SLC38A1: variants seen among roughly 807,000 people sequenced by gnomAD.
SLC38A1 encodes the protein sodium-coupled neutral amino acid symporter 1.
Under a neutral mutation model 60.3 loss-of-function variants are expected in SLC38A1, and 18 were observed. The observed-to-expected ratio is 0.30, with a 90% confidence interval of 0.21 to 0.44. SLC38A1 has a LOEUF of 0.44. SLC38A1 is among the 20% of genes least tolerant of loss of function. The pLI is 1.00. For missense variants in SLC38A1, 448 were observed against 587.2 expected (o/e 0.76, Z 2.45); for synonymous variants, 196 against 212.1 (o/e 0.92, Z 0.66).
At chr12:46,195,316 G>T (rs75307306) in intron 16 of SLC38A1, among the ~76,000 whole-genome samples, 1 of 152,138 alleles carries the variant, frequency 6.6e-6, no homozygotes, top group Admixed American at 6.5e-5. Flanking sequence ...TGGAAGCTTC[G>T]TCCCAGAGGG....
intron 16 of SLC38A1, among the ~76,000 whole-genome samples, chr12:46,197,095 C>A (rs1477500592): frequency 6.6e-6 from 1 of 152,186 alleles, no homozygotes; most frequent in African/African-American, 2.4e-5. Context: ...TCCTCTCTTG[C>A]TGAAGACTAG....
rs148084443 is a variant in SLC38A1, at chr12:46,268,160, T to C, written c.-209+366A>G. Among the ~76,000 whole-genome samples, 1 of 152,008 alleles carries C rather than the reference T, an allele frequency of 6.6e-6. No individual in the cohort carries two copies. Among genetic ancestry groups the C allele is most frequent in the East Asian group, 1.9e-4 (1 of 5,182 alleles). ...GGTCGCGCCCTCGGGTCAGCTGCGCTCTCCCTCCAGACGTGCGTGGTTCCT... is the reference window on the plus strand; with the variant it reads ...GGTCGCGCCCTCGGGTCAGCTGCGCCCTCCCTCCAGACGTGCGTGGTTCCT... On this transcript the variant is annotated intron_variant, in intron 1 of 16. Coordinates refer to ENST00000398637, the MANE Select transcript of SLC38A1 (RefSeq NM_030674.4). The surrounding 1 kb of genome is among the most constrained non-coding windows in gnomAD (Gnocchi z 4.4).
At position 46,201,095 on chromosome 12, in the gene SLC38A1, T is replaced by A. The variant is rs752058514; in HGVS notation, c.1003+3A>T. The A allele has an allele frequency of 1.3e-6, 2 of 1,588,800 alleles. No homozygotes were observed. The highest frequency in any genetic ancestry group is 1.7e-6 in the Non-Finnish European group (2 of 1,159,686). On this transcript the variant is annotated splice_donor_region_variant and intron_variant, in intron 13 of 16. Coordinates refer to ENST00000398637, the MANE Select transcript of SLC38A1 (RefSeq NM_030674.4). ...TATTTATGTACCAGTAGAAATTACT[T>A]ACCATAGAATGTCAAGTAGCCAAAA...
chr12:46,183,138 CTTTA>C lies in SLC38A1; in HGVS notation c.*5828_*5831del, dbSNP rs1565739623. On this transcript the variant is annotated 3_prime_UTR_variant, in exon 17 of 17. Transcript: ENST00000398637. ...TTATAGAACAGAACTTCTTATATTT[CTTTA>C]TTTACACCACACTCTGAAAAAAAAA... 1 of 152,012 alleles carries C rather than the reference CTTTA, an allele frequency of 6.6e-6. No individual in the cohort carries two copies. Among genetic ancestry groups the C allele is most frequent in the African/African-American group, 2.4e-5 (1 of 41,238 alleles). The allele number at this position is 152,012 out of a possible 1,614,324, so 9.4% of individuals were successfully genotyped here. A position where few individuals can be genotyped will look rare whatever the true frequency, so the allele number is the denominator to read the frequency against.
At chr12:46,199,298 T>C (rs1939531843) in intron 13 of SLC38A1, among the ~76,000 whole-genome samples, 1 of 145,372 alleles carries the variant, frequency 6.9e-6, no homozygotes, top group Non-Finnish European at 1.5e-5. Context: ...AATTAGTTTA[T>C]GTACTACTTT....
At chr12:46,261,723 T>C (rs1389119535) in intron 1 of SLC38A1, among the ~76,000 whole-genome samples, 1 of 152,184 alleles carries the variant, frequency 6.6e-6, no homozygotes, top group Non-Finnish European at 1.5e-5. Context: ...AAACGGAAGG[T>C]ATTTATCATT....
intron 4 of SLC38A1, 92 bp from the exon 5 acceptor site, chr12:46,229,360 A>C: frequency 1.1e-6 from 1 of 894,434 alleles, no homozygotes; most frequent in East Asian, 2.6e-5. Flanking sequence ...AGGAACCAAT[A>C]TGGAAGTAAA....
chr12:46,230,240 G>T (rs1941021536), intron 3 of SLC38A1, among the ~76,000 whole-genome samples: 3 of 152,160 alleles, frequency 2.0e-5, no homozygotes, highest in Non-Finnish European at 2.9e-5. Flanking sequence ...CCTGCTATAT[G>T]CAAGTCACTG....
chr12:46,193,546 T>C (rs761595441), intron 16 of SLC38A1, among the ~76,000 whole-genome samples: 2 of 152,108 alleles, frequency 1.3e-5, no homozygotes, highest in Non-Finnish European at 2.9e-5. Context: ...AAATCTCCCA[T>C]TATTATTGTG....
intron 16 of SLC38A1, among the ~76,000 whole-genome samples, chr12:46,189,614 T>C (rs752920015): frequency 6.6e-6 from 1 of 152,200 alleles, no homozygotes; most frequent in Non-Finnish European, 1.5e-5. Flanking sequence ...CAGATGATGA[T>C]ATGGTTTGGC....
In SLC38A1 at chr12:46,184,060, C is replaced by T. The variant is rs1041138748; in HGVS notation, c.*4910G>A. The T allele has an allele frequency of 1.3e-5, 2 of 152,572 alleles. No homozygotes were observed. The highest frequency in any genetic ancestry group is 4.8e-5 in the African/African-American group (2 of 41,424). The allele number at this position is 152,572 out of a possible 1,614,324, so 9.5% of individuals were successfully genotyped here. A position where few individuals can be genotyped will look rare whatever the true frequency, so the allele number is the denominator to read the frequency against. On this transcript the variant is annotated 3_prime_UTR_variant, in exon 17 of 17. Transcript: ENST00000398637. Reference sequence around the variant, plus strand: ...ATAAGCCTCAGCTGCATAGATTCTTCCTTTAAAAACGTAAATTTGAGCCTG... The same window carrying T: ...ATAAGCCTCAGCTGCATAGATTCTTTCTTTAAAAACGTAAATTTGAGCCTG...
chr12:46,231,971 C>T (rs1279635830), intron 3 of SLC38A1, among the ~76,000 whole-genome samples: 1 of 152,192 alleles, frequency 6.6e-6, no homozygotes, highest in African/African-American at 2.4e-5. Flanking sequence ...TTAAATGAAA[C>T]ATATGTATCA....
chr12:46,204,759 A>T (rs1045986349), intron 9 of SLC38A1, among the ~76,000 whole-genome samples, 169 bp from the exon 10 acceptor site: 2 of 152,222 alleles, frequency 1.3e-5, no homozygotes, highest in African/African-American at 4.8e-5. Flanking sequence ...TGCCCAAGTG[A>T]ATACAAGATT....
intron 5 of SLC38A1, among the ~76,000 whole-genome samples, chr12:46,226,994 G>A (rs886258957): frequency 6.6e-6 from 1 of 151,434 alleles, no homozygotes; most frequent in Non-Finnish European, 1.5e-5. Flanking sequence ...CCACATCAAG[G>A]CACGTCATTG....
chr12:46,207,104 T>A, intron 8 of SLC38A1, 51 bp downstream of exon 8: 1 of 1,280,892 alleles, frequency 7.8e-7, no homozygotes, highest in Non-Finnish European at 1.1e-6. Flanking sequence ...TGGCCCATAT[T>A]TAAATTAAAA....
At chr12:46,229,124 A>G (rs769557887) in intron 5 of SLC38A1, 29 bp downstream of exon 5, 3 of 1,332,606 alleles carry the variant, frequency 2.3e-6, no homozygotes, top group Non-Finnish European at 3.2e-6. Context: ...CAGTTTTAAA[A>G]TGGAAAGTAC....
intron 16 of SLC38A1, among the ~76,000 whole-genome samples, chr12:46,190,847 G>C (rs1370845824): frequency 6.6e-6 from 1 of 152,054 alleles, no homozygotes; most frequent in Non-Finnish European, 1.5e-5. Flanking sequence ...TTGTCAGATG[G>C]GTAGACTGCA....
intron 1 of SLC38A1, among the ~76,000 whole-genome samples, chr12:46,261,284 C>T (rs1276729842): frequency 1.3e-5 from 2 of 152,160 alleles, no homozygotes; most frequent in African/African-American, 4.8e-5. Flanking sequence ...CATAATTGTT[C>T]CAGTTGAGAA....
chr12:46,240,901 G>GGGAT (rs1335904006), intron 2 of SLC38A1, among the ~76,000 whole-genome samples: 16 of 152,264 alleles, frequency 1.1e-4, no homozygotes, highest in African/African-American at 3.9e-4. Context: ...AAGTTTCTGA[G>GGGAT]GGATCACCCA....
Sources: gnomAD v4.1 joint callset for allele counts (sites outside exome capture counted in the v4.1 genomes callset) on GRCh38, gnomAD v4.1.1 for gene constraint, Gnocchi (gnomAD v3.1) non-coding constraint, MANE v1.5 for transcripts, NCBI Gene and HGNC (gene_info 2026-07-23, HGNC 2026-07-21) for gene names.